IFT74: variants seen among roughly 807,000 people sequenced by gnomAD.
IFT74 encodes intraflagellar transport 74.
Under a neutral mutation model 96.7 loss-of-function variants are expected in IFT74, and 92 were observed. That is an observed-to-expected ratio of 0.95 (90% CI 0.80 to 1.13). IFT74 has a LOEUF of 1.13. Among genes scored for constraint, IFT74 ranks in the 50% most tolerant of loss-of-function variants. The probability of loss-of-function intolerance (pLI) is 0.00; values close to 1 mark genes in which losing one functional copy is unlikely to be tolerated. For missense variants in IFT74, 811 were observed against 698.2 expected (o/e 1.16, Z -1.82); for synonymous variants, 223 against 213.2 (o/e 1.05, Z -0.40).
In IFT74 at chr9:26,961,957, G is replaced by C; in HGVS notation, c.-11G>C. ...TTATTGTTTCCAAACAGCGATTAAA[G>C]TGAAGAAACAATGGCCAGCAATCAC... On this transcript the variant is annotated 5_prime_UTR_variant, in exon 2 of 20. Transcript: ENST00000380062. 6.2e-7 allele frequency: 1 copy of C among 1,614,128 alleles called. No individual in the cohort carries two copies. The highest frequency in any genetic ancestry group is 8.5e-7 in the Non-Finnish European group (1 of 1,179,962).
chr9:26,961,385 T>C (rs1826354083), intron 1 of IFT74, among the ~76,000 whole-genome samples: 1 of 152,138 alleles, frequency 6.6e-6, no homozygotes, highest in East Asian at 1.9e-4. Flanking sequence ...CCACTGCGCC[T>C]GGCCTCTTGT....
intron 16 of IFT74, among the ~76,000 whole-genome samples, chr9:27,052,236 G>A (rs1203713963): frequency 6.6e-6 from 1 of 152,146 alleles, no homozygotes; most frequent in African/African-American, 2.4e-5. Flanking sequence ...TGGGCCAGGG[G>A]AGGTGGCTCA....
chr9:26,969,604 C>G (rs1826794547), intron 2 of IFT74, among the ~76,000 whole-genome samples: 1 of 151,708 alleles, frequency 6.6e-6, no homozygotes, highest in Non-Finnish European at 1.5e-5. Context: ...AGCTTTGTTC[C>G]TGTCATTTTG....
rs115419392 is a variant in IFT74 at position 26,965,399 on chromosome 9, G to T, written c.120+3312G>T. On this transcript the variant is annotated intron_variant, in intron 2 of 19. Transcript: ENST00000380062. Reference sequence around the variant, plus strand: ...AGCATTTTTTGGAGGGAATAATTTTGTTAAAGTCAGATTTTCCTAAAGTTT... The same window carrying T: ...AGCATTTTTTGGAGGGAATAATTTTTTTAAAGTCAGATTTTCCTAAAGTTT... Among the ~76,000 whole-genome samples the T allele has an allele frequency of 2.8e-3, 424 of 152,096 alleles. 1 individual carries two copies. The highest frequency in any genetic ancestry group is 9.6e-3 in the African/African-American group (400 of 41,528).
intron 2 of IFT74, among the ~76,000 whole-genome samples, chr9:26,970,199 C>T (rs891169648): frequency 6.6e-6 from 1 of 152,100 alleles, no homozygotes; most frequent in African/African-American, 2.4e-5. Context: ...TTTTTCTTTG[C>T]AGTGACTTCA....
intron 13 of IFT74, among the ~76,000 whole-genome samples, chr9:27,032,766 T>C (rs1830183185): frequency 6.6e-6 from 1 of 151,672 alleles, no homozygotes; most frequent in Non-Finnish European, 1.5e-5. Context: ...CTCAGGAGGC[T>C]GAAGTAGGAG....
intron 2 of IFT74, among the ~76,000 whole-genome samples, chr9:26,964,168 A>T (rs1826498975): frequency 3.0e-5 from 4 of 134,706 alleles, no homozygotes; most frequent in African/African-American, 8.4e-5. Context: ...ATCCAGTTTC[A>T]GCTTTCTACA....
At chr9:26,977,086 T>C (rs1312803699) in intron 2 of IFT74, among the ~76,000 whole-genome samples, 1 of 152,210 alleles carries the variant, frequency 6.6e-6, no homozygotes. Flanking sequence ...AACTATAATA[T>C]CATTATCGAT....
chr9:26,996,402 A>C, intron 8 of IFT74: 1 of 1,611,036 alleles, frequency 6.2e-7, no homozygotes. Flanking sequence ...TTACTGATGA[A>C]GGAAATTTTG....
rs115433687 is a variant in IFT74 at position 27,033,851 on chromosome 9, G to T, written c.1054+4747G>T. Among the ~76,000 whole-genome samples the T allele has an allele frequency of 3.8e-3, 583 of 152,244 alleles. 1 individual carries two copies. The highest frequency in any genetic ancestry group is 0.014 in the African/African-American group (561 of 41,542). On this transcript the variant is annotated intron_variant, in intron 13 of 19. Coordinates refer to ENST00000380062, the MANE Select transcript of IFT74 (RefSeq NM_025103.4). ...TGCAAATTTCTTCCCAGAAAAGGTTGTATTATGTTATACAACCAAAAGCAG... is the reference window on the plus strand; with the variant it reads ...TGCAAATTTCTTCCCAGAAAAGGTTTTATTATGTTATACAACCAAAAGCAG...
intron 16 of IFT74, among the ~76,000 whole-genome samples, chr9:27,048,662 A>G (rs1314347529): frequency 6.6e-6 from 1 of 152,170 alleles, no homozygotes; most frequent in East Asian, 1.9e-4. Flanking sequence ...AGAATGAGGG[A>G]GTAGTAAGGG....
At chr9:26,993,145 C>G (rs1827962074) in intron 8 of IFT74, 1 of 151,998 alleles carries the variant, frequency 6.6e-6, no homozygotes, top group South Asian at 2.1e-4. Flanking sequence ...ATTTATTTTT[C>G]TTTGTGTAGT....
chr9:26,949,498 T>G (rs1825867522), intron 1 of IFT74, among the ~76,000 whole-genome samples: 1 of 152,156 alleles, frequency 6.6e-6, no homozygotes. Context: ...CAACCCCTTA[T>G]AAAAGTTTTC....
chr9:26,962,191 C>T, intron 2 of IFT74, 104 bp downstream of exon 2: 2 of 1,117,170 alleles, frequency 1.8e-6, no homozygotes, highest in Admixed American at 4.9e-5. Context: ...CCACTGCACC[C>T]CAGTTTTTGA....
intron 2 of IFT74, chr9:26,976,803 C>G (rs2131521511): frequency 4.4e-6 from 2 of 455,860 alleles, no homozygotes; most frequent in East Asian, 7.0e-5. Flanking sequence ...TATGAACTGA[C>G]ATAAAGGGAG....
rs141887634 is a variant in IFT74, at chr9:26,984,068, C to T, written c.306-189C>T. ...CAAAGTGTTGGGATTACAGGCTTGA[C>T]CCACCGCACCCAGCCAGAATATACC... On this transcript the variant is annotated intron_variant, in intron 4 of 19. Transcript: ENST00000380062. The T allele has an allele frequency of 3.4e-4, 136 of 399,206 alleles. No individual in the cohort carries two copies. The East Asian group carries it at 6.9e-3, about 20-fold the overall frequency. The allele number at this position is 399,206 out of a possible 1,614,324, so 24.7% of individuals were successfully genotyped here. A position where few individuals can be genotyped will look rare whatever the true frequency, so the allele number is the denominator to read the frequency against.
At chr9:26,972,710 G>T (rs1360459713) in intron 2 of IFT74, among the ~76,000 whole-genome samples, 3 of 151,986 alleles carry the variant, frequency 2.0e-5, no homozygotes, top group Non-Finnish European at 4.4e-5. Flanking sequence ...AATTTTTTTG[G>T]TTCTTGCTTA....
chr9:26,962,634 T>C (rs1826415646), intron 2 of IFT74, among the ~76,000 whole-genome samples: 1 of 152,232 alleles, frequency 6.6e-6, no homozygotes, highest in Non-Finnish European at 1.5e-5. Flanking sequence ...TCCTCTCTTA[T>C]ACCTTTTATC....
intron 18 of IFT74, among the ~76,000 whole-genome samples, chr9:27,059,972 A>G (rs1324462232): frequency 6.6e-6 from 1 of 152,254 alleles, no homozygotes; most frequent in Non-Finnish European, 1.5e-5. Context: ...TAATTAAATC[A>G]GAAAAACAAT....
Sources: allele counts gnomAD v4.1 joint callset (sites outside exome capture counted in the v4.1 genomes callset), GRCh38; gene constraint gnomAD v4.1.1; transcripts MANE v1.5; gene names NCBI Gene and HGNC (gene_info 2026-07-23, HGNC 2026-07-21).